CFAP58: variants seen among roughly 807,000 people sequenced by gnomAD.
The protein encoded by CFAP58 is cilia and flagella associated protein 58, also known as cilia- and flagella-associated protein 58.
CFAP58 carries 88 observed loss-of-function variants against 119.5 expected under a neutral mutation model. The observed-to-expected ratio is 0.74, with a 90% confidence interval of 0.62 to 0.88. The LOEUF (loss-of-function observed/expected upper bound fraction) is 0.88. Among genes scored for constraint, CFAP58 ranks in the 40% least tolerant of loss-of-function variants. The pLI is 0.00. For synonymous variants in CFAP58, 365 were observed against 366.3 expected, an observed-to-expected ratio of 1.00 and a Z score of 0.04; for missense variants, 990 against 1,021.2, an observed-to-expected ratio of 0.97 and a Z score of 0.42.
At chr10:104,376,956 A>G in intron 8 of CFAP58, 63 bp downstream of exon 8, 3 of 1,301,306 alleles carry the variant, frequency 2.3e-6, no homozygotes, top group South Asian at 1.2e-5. Flanking sequence ...ATATCTGGCT[A>G]TAGCCAGTTG....
intron 15 of CFAP58, among the ~76,000 whole-genome samples, chr10:104,419,575 T>C (rs1224935153): frequency 6.6e-6 from 1 of 151,908 alleles, no homozygotes; most frequent in Non-Finnish European, 1.5e-5. Flanking sequence ...TTTTTTTTTT[T>C]ACTTTTGAAA....
chr10:104,365,634 T>C (rs879323422), intron 4 of CFAP58, among the ~76,000 whole-genome samples, 180 bp from the exon 5 acceptor site: 15 of 152,060 alleles, frequency 9.9e-5, no homozygotes, highest in Non-Finnish European at 1.6e-4. Context: ...AGAAACAGTA[T>C]AGAATATTCC....
intron 13 of CFAP58, among the ~76,000 whole-genome samples, chr10:104,401,944 G>A (rs570681727): frequency 3.3e-5 from 5 of 152,224 alleles, no homozygotes; most frequent in Middle Eastern, 6.8e-3. Flanking sequence ...AGTAGCTATC[G>A]AATAGTCTCC....
chr10:104,353,920 GC>G lies in CFAP58; in HGVS notation c.9+18del. Reference sequence around the variant, plus strand: ...AGGATGGCTGAGGTCAGGAGTCAGCGCCCCTCTGTCGCCTTTCCCTTGACCC... The same window carrying G: ...AGGATGGCTGAGGTCAGGAGTCAGCGCCCTCTGTCGCCTTTCCCTTGACCC... On this transcript the variant is annotated intron_variant, in intron 1 of 17. Transcript: ENST00000369704. The G allele has an allele frequency of 6.2e-7, 1 of 1,613,120 alleles. No homozygotes were observed. The highest frequency in any genetic ancestry group is 8.5e-7 in the Non-Finnish European group (1 of 1,179,280).
At chr10:104,436,071 CT>C (rs1392048879) in intron 15 of CFAP58, among the ~76,000 whole-genome samples, 2 of 152,106 alleles carry the variant, frequency 1.3e-5, no homozygotes, top group East Asian at 1.9e-4. Flanking sequence ...CTTCCAACCT[CT>C]TTTTTCCCCC....
chr10:104,360,047 T>C (rs1345125642), intron 2 of CFAP58, among the ~76,000 whole-genome samples: 1 of 152,116 alleles, frequency 6.6e-6, no homozygotes, highest in Non-Finnish European at 1.5e-5. Flanking sequence ...TACCCAAGAG[T>C]AATCTGTCTA....
intron 1 of CFAP58, among the ~76,000 whole-genome samples, chr10:104,354,875 T>C (rs1250737363): frequency 4.6e-5 from 7 of 152,248 alleles, no homozygotes; most frequent in African/African-American, 1.7e-4. Context: ...AGCCCCATCA[T>C]CTTTCAGCAC....
chr10:104,398,792 G>A (rs2012208014), intron 11 of CFAP58, among the ~76,000 whole-genome samples: 1 of 152,220 alleles, frequency 6.6e-6, no homozygotes, highest in African/African-American at 2.4e-5. Context: ...TGGGTTGGAA[G>A]TGCCATAGAA....
chr10:104,437,370 A>T (rs77830350), intron 15 of CFAP58, among the ~76,000 whole-genome samples: 2 of 152,168 alleles, frequency 1.3e-5, no homozygotes, highest in African/African-American at 2.4e-5. Flanking sequence ...AATATTAACA[A>T]ACGAGCTTGC....
chr10:104,410,515 A>T (rs1013313167), intron 15 of CFAP58, among the ~76,000 whole-genome samples: 6 of 152,194 alleles, frequency 3.9e-5, no homozygotes, highest in African/African-American at 1.4e-4. Flanking sequence ...TTAACTTGAA[A>T]TGTTATTTCT....
At chr10:104,350,106 C>G (rs1208091954), upstream of CFAP58, among the ~76,000 whole-genome samples, 2 of 152,140 alleles carry the variant, frequency 1.3e-5, no homozygotes, top group African/African-American at 4.8e-5. Flanking sequence ...GGAGTGTTGG[C>G]GTGCACAATT....
chr10:104,452,665 G>A (rs76224686), intron 17 of CFAP58, among the ~76,000 whole-genome samples: 5,985 of 152,282 alleles, frequency 0.039, 326 homozygotes, highest in African/African-American at 0.13. Flanking sequence ...ACAAATTACT[G>A]TGAAATCAGT....
intron 14 of CFAP58, 49 bp downstream of exon 14, chr10:104,403,889 C>T: frequency 2.5e-6 from 3 of 1,206,390 alleles, no homozygotes; most frequent in Non-Finnish European, 3.6e-6. Flanking sequence ...CTCCTCCTAT[C>T]CCACGCGAAG....
At chr10:104,418,272 G>C (rs2012585271) in intron 15 of CFAP58, among the ~76,000 whole-genome samples, 1 of 152,210 alleles carries the variant, frequency 6.6e-6, no homozygotes, top group African/African-American at 2.4e-5. Flanking sequence ...TTGGAGGCTG[G>C]GTGCGGTGGC....
chr10:104,422,073 G>A (rs969951611), intron 15 of CFAP58, among the ~76,000 whole-genome samples: 9 of 152,106 alleles, frequency 5.9e-5, no homozygotes, highest in African/African-American at 1.7e-4. Context: ...TGTAGTCCCA[G>A]CTACTTGGGA....
intron 15 of CFAP58, among the ~76,000 whole-genome samples, chr10:104,433,641 T>G (rs941175423): frequency 3.0e-4 from 46 of 152,200 alleles, no homozygotes; most frequent in Non-Finnish European, 6.2e-4. Context: ...GCCCATCCCA[T>G]GATGTCATGA....
chr10:104,345,936 A>T, the CFAP58 span, among the ~76,000 whole-genome samples: 1 of 152,080 alleles, frequency 6.6e-6, no homozygotes, highest in African/African-American at 2.4e-5. Context: ...CACTGTGTTC[A>T]TCTGCTTGTA....
chr10:104,386,253 C>A (rs1449067922), intron 9 of CFAP58, among the ~76,000 whole-genome samples: 8 of 151,304 alleles, frequency 5.3e-5, no homozygotes, highest in African/African-American at 1.9e-4. Context: ...TGGTGGGCAC[C>A]TGTAATCCCA....
intron 15 of CFAP58, among the ~76,000 whole-genome samples, chr10:104,418,903 A>G (rs1188537178): frequency 6.6e-6 from 1 of 152,210 alleles, no homozygotes; most frequent in African/African-American, 2.4e-5. Flanking sequence ...GGTACAGTGT[A>G]AGATGAAACC....
Sources: gnomAD v4.1 joint callset for allele counts (sites outside exome capture counted in the v4.1 genomes callset) on GRCh38, gnomAD v4.1.1 for gene constraint, MANE v1.5 for transcripts, NCBI Gene and HGNC (gene_info 2026-07-23, HGNC 2026-07-21) for gene names.